The following RANBP3 variants were observed in gnomAD, a reference collection of about 807,000 sequenced individuals.
RANBP3 encodes the protein ran-binding protein 3.
A neutral mutation model predicts 77.3 loss-of-function variants in RANBP3; 14 were observed. The ratio of observed to expected loss-of-function variants is 0.18; its 90% CI spans 0.12 to 0.28. The LOEUF is 0.28. Among genes scored for constraint, RANBP3 ranks in the 10% least tolerant of loss-of-function variants. The pLI is 1.00. For missense variants in RANBP3, 586 were observed against 752.3 expected (o/e 0.78, Z 2.59); for synonymous variants, 315 against 312.4 (o/e 1.01, Z -0.09).
intron 12 of RANBP3, among the ~76,000 whole-genome samples, 187 bp downstream of exon 12, chr19:5,923,625 G>A (rs1448189213): frequency 1.3e-5 from 2 of 152,180 alleles, no homozygotes; most frequent in East Asian, 3.9e-4. Flanking sequence ...AGGCGACACA[G>A]GCCCTCGAGT....
chr19:5,967,637 C>A (rs989427482), intron 1 of RANBP3, among the ~76,000 whole-genome samples: 1 of 152,186 alleles, frequency 6.6e-6, no homozygotes, highest in African/African-American at 2.4e-5. Flanking sequence ...TCCACTCCTG[C>A]GCCACCCAGA....
Position 5,918,560 on chromosome 19 carries a change from T to C in RANBP3, c.1409A>G (p.Glu470Gly), listed in dbSNP as rs760218000. 1.2e-6 allele frequency: 2 copies of C among 1,613,468 alleles called. No homozygotes were observed. Among genetic ancestry groups the C allele is most frequent in the South Asian group, 2.2e-5 (2 of 91,064 alleles). The change falls in exon 15 of 17, where the codon GAG (glutamate) becomes GGG (glycine). Residue 470 changes from glutamate (E) to glycine (G), a missense_variant. By Grantham distance (98) the Glu-to-Gly change is moderately conservative. Around this residue, in one of 5 missense-constraint regions of RANBP3, gnomAD observed 128 missense variants for 157.0 expected, o/e 0.82. Transcript: ENST00000340578. The stretch of plus-strand genomic sequence containing the variant: ...CATGGCTGTGATGCGAATGCTCTTC[T>C]CGCTGGCCTTGTCGATCTGCATCTG... ...WAQMQIDKAS[E>G]KSIRITAMDT...
chr19:5,933,331 C>T (rs1208106607), intron 6 of RANBP3, 83 bp downstream of exon 6: 7 of 1,111,552 alleles, frequency 6.3e-6, no homozygotes, highest in South Asian at 1.6e-5. Context: ...GCAGGCTGAG[C>T]CCGCGGTGCC....
chr19:5,925,856 T>G, intron 9 of RANBP3, 119 bp from the exon 10 acceptor site: 6 of 707,512 alleles, frequency 8.5e-6, no homozygotes, highest in South Asian at 1.6e-5. Context: ...AACCCTCTCC[T>G]GTACCCGCCT....
Position 5,928,079 on chromosome 19 carries a change from C to G in RANBP3, c.702G>C (p.Glu234Asp). ...CATTGCTGGACTCATTTTTCTGGGG[C>G]TCTTTCTCCTATCAAAAACCAAAAC... is the stretch of plus-strand genomic sequence containing the variant. ...ADEVCALEEK[E>D]PQKNESSNAS... Residue 234 changes from glutamate to aspartate, a missense_variant, in exon 9 of 17, where the codon GAG becomes GAC. Physicochemically the swap from Glu to Asp is conservative, Grantham distance 45. Coordinates refer to ENST00000340578, the MANE Select transcript of RANBP3 (RefSeq NM_007322.3). The G allele has an allele frequency of 6.2e-7, 1 of 1,608,678 alleles. No homozygotes were observed. Among genetic ancestry groups the G allele is most frequent in the Non-Finnish European group, 8.5e-7 (1 of 1,178,468 alleles).
At chr19:5,955,377 T>G (rs551847666) in intron 2 of RANBP3, among the ~76,000 whole-genome samples, 1 of 152,318 alleles carries the variant, frequency 6.6e-6, no homozygotes, top group Admixed American at 6.5e-5. Context: ...GTGCTGGGAT[T>G]ACAGGTGTGA....
intron 8 of RANBP3, among the ~76,000 whole-genome samples, chr19:5,929,421 C>T (rs985069710): frequency 2.6e-5 from 4 of 152,210 alleles, no homozygotes; most frequent in Admixed American, 1.3e-4. Context: ...GTGCTAATCC[C>T]GGGTGGGTGG....
At chr19:5,963,970 A>T (rs115852443) in intron 1 of RANBP3, among the ~76,000 whole-genome samples, 16 of 152,286 alleles carry the variant, frequency 1.1e-4, no homozygotes, top group African/African-American at 3.8e-4. Flanking sequence ...CAGGCCAGGG[A>T]GAGTCCCCTG....
At chr19:5,950,324 G>A (rs541838191) in intron 3 of RANBP3, among the ~76,000 whole-genome samples, 3 of 152,122 alleles carry the variant, frequency 2.0e-5, no homozygotes, top group Admixed American at 6.5e-5. Flanking sequence ...CACTACTGCC[G>A]TTACCTCCCC....
At chr19:5,955,224 G>A (rs977941502) in intron 2 of RANBP3, among the ~76,000 whole-genome samples, 11 of 152,110 alleles carry the variant, frequency 7.2e-5, no homozygotes, top group South Asian at 4.1e-4. Context: ...CTCCAGTCCC[G>A]GGTTCAAGCG....
intron 3 of RANBP3, among the ~76,000 whole-genome samples, chr19:5,949,679 G>C (rs1160983014): frequency 6.6e-6 from 1 of 152,246 alleles, no homozygotes; most frequent in African/African-American, 2.4e-5. Flanking sequence ...CCACCTGCCA[G>C]TGTGGGGGAC....
chr19:5,923,965 A>T (rs1466242436), intron 11 of RANBP3, 51 bp from the exon 12 acceptor site: 1 of 1,422,328 alleles, frequency 7.0e-7, no homozygotes, highest in African/African-American at 1.4e-5. Flanking sequence ...GTGGTCCTTC[A>T]GCAGCAGCTC....
intron 5 of RANBP3, among the ~76,000 whole-genome samples, chr19:5,940,225 C>G (rs2058117956): frequency 6.6e-6 from 1 of 152,192 alleles, no homozygotes; most frequent in South Asian, 2.1e-4. Flanking sequence ...TCCCTCGCCT[C>G]TTTAGCCTAC....
chr19:5,933,175 C>A, intron 6 of RANBP3: 1 of 486,784 alleles, frequency 2.1e-6, no homozygotes, highest in Non-Finnish European at 3.7e-6. Context: ...TGCACCCCGC[C>A]TAGCCTGCTC....
In RANBP3 at chr19:5,917,495, G is replaced by T; in HGVS notation, c.*115C>A. 1 of 1,229,248 alleles carries T rather than the reference G, an allele frequency of 8.1e-7. No individual in the cohort carries two copies. The highest frequency in any genetic ancestry group is 1.1e-6 in the Non-Finnish European group (1 of 896,964). The allele number at this position is 1,229,248 out of a possible 1,614,324, so 76.1% of individuals were successfully genotyped here. On this transcript the variant is annotated 3_prime_UTR_variant, in exon 17 of 17. Transcript: ENST00000340578. ...GCGGGTCCAGACTGTGGCCGGCCCA[G>T]TGGGGTGTGTGGTTCCCGGCCCCGC...
chr19:5,969,204 G>A (rs1260475499), intron 1 of RANBP3, among the ~76,000 whole-genome samples: 1 of 152,176 alleles, frequency 6.6e-6, no homozygotes, highest in Non-Finnish European at 1.5e-5. Context: ...GTAAAGGTTG[G>A]GGCCCAGGCT....
rs147839260 is a variant in RANBP3, at chr19:5,922,439, T to C, written c.1209+755A>G. ...TATGTGCCACGGGAGAGGAAGCACATGGATGCTGCCCAAGCCGGGTGGTGC... is the reference window on the plus strand; with the variant it reads ...TATGTGCCACGGGAGAGGAAGCACACGGATGCTGCCCAAGCCGGGTGGTGC... On this transcript the variant is annotated intron_variant, in intron 13 of 16. Coordinates refer to ENST00000340578, the MANE Select transcript of RANBP3 (RefSeq NM_007322.3). 1.7e-4 allele frequency among the ~76,000 whole-genome samples: 26 copies of C among 152,208 alleles called. No individual in the cohort carries two copies. The East Asian group carries it at 3.9e-3, about 23-fold the overall frequency.
rs893215523 is a variant in RANBP3 at position 5,921,053 on chromosome 19, G to A, written c.1330+148C>T. 1.3e-5 allele frequency: 13 copies of A among 998,730 alleles called. No homozygotes were observed. The African/African-American group carries it at 2.2e-4, about 17-fold the overall frequency. The allele number at this position is 998,730 out of a possible 1,614,324, so 61.9% of individuals were successfully genotyped here. On this transcript the variant is annotated intron_variant, in intron 14 of 16. Coordinates refer to ENST00000340578, the MANE Select transcript of RANBP3 (RefSeq NM_007322.3). The surrounding 1 kb of genome is among the most constrained non-coding windows in gnomAD (Gnocchi z 5.3). Reference sequence around the variant, plus strand: ...GGCTGGGTGCAGGGAGGGGGTTTGGGGGGCGGCTCTCATGGGAGACCGACT... The same window carrying A: ...GGCTGGGTGCAGGGAGGGGGTTTGGAGGGCGGCTCTCATGGGAGACCGACT...
At chr19:5,955,436 GC>G (rs1372130978) in intron 2 of RANBP3, among the ~76,000 whole-genome samples, 1 of 152,178 alleles carries the variant, frequency 6.6e-6, no homozygotes, top group Non-Finnish European at 1.5e-5. Context: ...TTCCTGGCTA[GC>G]CTTCTGGTTC....
Sources: allele counts gnomAD v4.1 joint callset (sites outside exome capture counted in the v4.1 genomes callset), GRCh38; gene constraint gnomAD v4.1.1; regional missense constraint gnomAD v4.1.1; non-coding constraint Gnocchi (gnomAD v3.1); transcripts MANE v1.5; gene names NCBI Gene and HGNC (gene_info 2026-07-23, HGNC 2026-07-21).